Variants in PPP2R2B observed in about 807,000 individuals in gnomAD.
The protein encoded by PPP2R2B is protein phosphatase 2 regulatory subunit Bbeta, also known as serine/threonine-protein phosphatase 2A 55 kDa regulatory subunit B beta isoform.
In PPP2R2B, 5 loss-of-function variants were observed where a neutral mutation model predicts 46.0. The observed-to-expected ratio is 0.11, with a 90% confidence interval of 0.06 to 0.23. The LOEUF is 0.23. Ranked by LOEUF, PPP2R2B falls within the 10% of genes least tolerant of loss-of-function variation. The pLI, the probability that PPP2R2B is intolerant of heterozygous loss-of-function variation, is 1.00. For synonymous variants in PPP2R2B, 215 were observed against 206.7 expected, an observed-to-expected ratio of 1.04 and a Z score of -0.34; for missense variants, 367 against 575.0, an observed-to-expected ratio of 0.64 and a Z score of 3.70.
At chr5:146,834,848 C>T (rs1296364759) in intron 2 of PPP2R2B, among the ~76,000 whole-genome samples, 1 of 152,146 alleles carries the variant, frequency 6.6e-6, no homozygotes, top group Non-Finnish European at 1.5e-5. Context: ...CAATGTTTAG[C>T]TCCACTTATA....
chr5:146,619,132 C>G (rs2151051497), intron 7 of PPP2R2B, among the ~76,000 whole-genome samples: 1 of 152,128 alleles, frequency 6.6e-6, no homozygotes. Flanking sequence ...TAACTCCTAC[C>G]TCCAGGGTCC....
chr5:146,869,961 C>G (rs953902483), intron 2 of PPP2R2B, among the ~76,000 whole-genome samples: 4 of 152,052 alleles, frequency 2.6e-5, no homozygotes, highest in Admixed American at 2.6e-4. Flanking sequence ...GTATTTTGTA[C>G]TTAGGGACCC....
At chr5:146,848,778 G>A (rs1208773576) in intron 2 of PPP2R2B, among the ~76,000 whole-genome samples, 2 of 152,180 alleles carry the variant, frequency 1.3e-5, no homozygotes, top group African/African-American at 4.8e-5. Flanking sequence ...AGGGAGCTAT[G>A]CCAACTTGCT....
intron 1 of PPP2R2B, among the ~76,000 whole-genome samples, chr5:146,917,057 T>C (rs1293444289): frequency 6.6e-6 from 1 of 152,124 alleles, no homozygotes; most frequent in Non-Finnish European, 1.5e-5. Context: ...TTATAGCAAT[T>C]ATTACAAATA....
At chr5:147,020,604 AAC>A (rs1321126397) in intron 1 of PPP2R2B, among the ~76,000 whole-genome samples, 1 of 152,166 alleles carries the variant, frequency 6.6e-6, no homozygotes, top group Non-Finnish European at 1.5e-5. Flanking sequence ...AAAATAAATC[AAC>A]AGTGCTTGAA....
At chr5:146,631,206 C>T (rs745588696) in intron 7 of PPP2R2B, among the ~76,000 whole-genome samples, 1 of 152,168 alleles carries the variant, frequency 6.6e-6, no homozygotes, top group Non-Finnish European at 1.5e-5. Flanking sequence ...CTGCTGTCTC[C>T]ACCCTGGAGG....
At chr5:146,779,659 T>C (rs1202822030) in intron 2 of PPP2R2B, among the ~76,000 whole-genome samples, 1 of 152,194 alleles carries the variant, frequency 6.6e-6, no homozygotes, top group East Asian at 1.9e-4. Context: ...AATGACCTTA[T>C]AGCTCATAAA....
intron 1 of PPP2R2B, among the ~76,000 whole-genome samples, chr5:146,950,415 C>G (rs1361221319): frequency 1.3e-5 from 2 of 151,952 alleles, no homozygotes. Context: ...AGTTGTTCTA[C>G]TTATCCAAAA....
chr5:146,908,855 G>A (rs931588321), intron 1 of PPP2R2B, among the ~76,000 whole-genome samples: 4 of 151,524 alleles, frequency 2.6e-5, no homozygotes, highest in Non-Finnish European at 4.4e-5. Flanking sequence ...AGGCTGGAGT[G>A]CAGTGCCGTG....
chr5:147,030,096 A>C (rs1755711133), intron 1 of PPP2R2B, among the ~76,000 whole-genome samples: 1 of 152,190 alleles, frequency 6.6e-6, no homozygotes, highest in South Asian at 2.1e-4. Context: ...AAGAATAAAC[A>C]ACTTTACAAT....
At chr5:147,003,935 C>A (rs558341277) in intron 1 of PPP2R2B, among the ~76,000 whole-genome samples, 1 of 152,214 alleles carries the variant, frequency 6.6e-6, no homozygotes, top group Admixed American at 6.5e-5. Flanking sequence ...ATTACCCAAT[C>A]AACAGATATC....
chr5:146,778,406 G>T (rs1755315501), intron 2 of PPP2R2B, among the ~76,000 whole-genome samples: 1 of 152,168 alleles, frequency 6.6e-6, no homozygotes, highest in Non-Finnish European at 1.5e-5. Flanking sequence ...AAGTAGCAAG[G>T]CCATAATAAA....
chr5:146,640,705 G>C (rs1775152016), intron 6 of PPP2R2B, among the ~76,000 whole-genome samples: 1 of 152,238 alleles, frequency 6.6e-6, no homozygotes, highest in South Asian at 2.1e-4. Context: ...CTGTGTGGGA[G>C]GGGGAGGTGC....
At chr5:147,026,509 T>C (rs1194110387) in intron 1 of PPP2R2B, among the ~76,000 whole-genome samples, 1 of 152,166 alleles carries the variant, frequency 6.6e-6, no homozygotes, top group Admixed American at 6.5e-5. Flanking sequence ...TTCATTCTCT[T>C]AATTAGTGAT....
intron 2 of PPP2R2B, among the ~76,000 whole-genome samples, chr5:146,844,365 A>G: frequency 7.5e-6 from 1 of 133,266 alleles, no homozygotes; most frequent in East Asian, 3.2e-4. Flanking sequence ...AAAAAAAAAA[A>G]ACATTAAAAA....
chr5:146,872,657 A>T (rs1015952079), intron 2 of PPP2R2B, among the ~76,000 whole-genome samples: 1 of 152,194 alleles, frequency 6.6e-6, no homozygotes, highest in Non-Finnish European at 1.5e-5. Context: ...GTATTTCACA[A>T]ATCACTCAGA....
At chr5:147,065,809 G>C (rs1757398732) in intron 2 of PPP2R2B, among the ~76,000 whole-genome samples, 1 of 152,136 alleles carries the variant, frequency 6.6e-6, no homozygotes, top group Admixed American at 6.5e-5. Flanking sequence ...AGAAACTGGA[G>C]TTTACTACAG....
chr5:146,847,569 G>C (rs958263751), intron 2 of PPP2R2B, among the ~76,000 whole-genome samples: 16 of 152,134 alleles, frequency 1.1e-4, no homozygotes, highest in Non-Finnish European at 2.2e-4. Flanking sequence ...CCACCACAGG[G>C]CTTGTGCTCT....
At chr5:146,999,549 T>C (rs1265860253) in intron 1 of PPP2R2B, among the ~76,000 whole-genome samples, 1 of 152,212 alleles carries the variant, frequency 6.6e-6, no homozygotes, top group Non-Finnish European at 1.5e-5. Flanking sequence ...CACATGCCAC[T>C]AAGGTTGGAA....
Sources: gnomAD v4.1 joint callset for allele counts (sites outside exome capture counted in the v4.1 genomes callset) on GRCh38, gnomAD v4.1.1 for gene constraint, MANE v1.5 for transcripts, NCBI Gene and HGNC (gene_info 2026-07-23, HGNC 2026-07-21) for gene names.